ABCC4: variants seen among roughly 807,000 people sequenced by gnomAD.
The protein encoded by ABCC4 is ATP-binding cassette sub-family C member 4.
ABCC4 carries 102 observed loss-of-function variants against 168.5 expected under a neutral mutation model. That is an observed-to-expected ratio of 0.61 (90% CI 0.52 to 0.71). The LOEUF is 0.71. ABCC4 is among the 30% of genes least tolerant of loss of function. The pLI is 0.00. For missense variants in ABCC4, 1,402 were observed against 1,605.8 expected (o/e 0.87, Z 2.17); for synonymous variants, 617 against 590.7 (o/e 1.04, Z -0.65).
intron 11 of ABCC4, among the ~76,000 whole-genome samples, chr13:95,184,737 C>CT (rs1390619936): frequency 6.6e-6 from 1 of 152,218 alleles, no homozygotes; most frequent in Admixed American, 6.5e-5. Flanking sequence ...AAGAAAAGAG[C>CT]TGAAAGACAA....
At chr13:95,258,973 T>C (rs1025760053) in intron 1 of ABCC4, among the ~76,000 whole-genome samples, 13 of 152,076 alleles carry the variant, frequency 8.5e-5, no homozygotes, top group South Asian at 8.3e-4. Flanking sequence ...GGGGGCTACA[T>C]TGGGGCAGGG....
chr13:95,288,439 G>GC (rs2041314267), intron 1 of ABCC4, among the ~76,000 whole-genome samples: 1 of 152,200 alleles, frequency 6.6e-6, no homozygotes, highest in Non-Finnish European at 1.5e-5. Flanking sequence ...TAACAATTTA[G>GC]TAAAAAAGTC....
intron 19 of ABCC4, among the ~76,000 whole-genome samples, chr13:95,150,796 G>A (rs971402450): frequency 1.3e-5 from 2 of 152,196 alleles, no homozygotes; most frequent in African/African-American, 4.8e-5. Flanking sequence ...TTCCTAAGCT[G>A]AGCTGTAGCA....
Position 95,270,670 on chromosome 13 carries a change from G to A in ABCC4, c.75-22917C>T, listed in dbSNP as rs896384288. The stretch of plus-strand genomic sequence containing the variant: ...AGATTCTGATACTAAGTCTGGGACA[G>A]AGCATGAGAACCTGTGTTTCTCCCC... On this transcript the variant is annotated intron_variant, in intron 1 of 30. Coordinates refer to ENST00000645237, the MANE Select transcript of ABCC4 (RefSeq NM_005845.5). Among the ~76,000 whole-genome samples, 9 of 152,322 alleles carry A rather than the reference G, an allele frequency of 5.9e-5. No homozygotes were observed. In the East Asian group the frequency reaches 1.4e-3, roughly 23 times the overall value.
At chr13:95,164,712 G>T (rs567658735) in intron 15 of ABCC4, among the ~76,000 whole-genome samples, 194 bp from the exon 16 acceptor site, 3 of 150,918 alleles carry the variant, frequency 2.0e-5, no homozygotes, top group Non-Finnish European at 2.9e-5. Flanking sequence ...ATTTTTTTTT[G>T]ACTCAGAATT....
chr13:95,117,760 T>C (rs1161350268), intron 19 of ABCC4, among the ~76,000 whole-genome samples: 2 of 150,840 alleles, frequency 1.3e-5, no homozygotes, highest in Non-Finnish European at 3.0e-5. Context: ...TTTTAAAAAG[T>C]TGAAAGCAAT....
Position 95,206,636 on chromosome 13 carries a change from C to T in ABCC4, c.1057G>A (p.Val353Met), listed in dbSNP as rs761006351. 4.2e-5 allele frequency: 68 copies of T among 1,614,004 alleles called. No individual in the cohort carries two copies. Among genetic ancestry groups the T allele is most frequent in the Middle Eastern group, 1.6e-4 (1 of 6,084 alleles). Residue 353 changes from valine to methionine, a missense_variant, in exon 8 of 31, where the codon GTG becomes ATG. Physicochemically the swap from Val to Met is conservative, Grantham distance 21. Transcript: ENST00000645237. ...GSVITASRVF[V>M]AVTLYGAVRL... ...ACAGCCCCATACAGCGTCACTGCCA[C>T]GAACACGCGGCTGGCTGTGATCACA...
intron 19 of ABCC4, among the ~76,000 whole-genome samples, chr13:95,135,365 G>A (rs1368214713): frequency 6.6e-6 from 1 of 151,140 alleles, no homozygotes; most frequent in East Asian, 1.9e-4. Flanking sequence ...AAAGTTTTCA[G>A]TGAACACTCT....
At chr13:95,121,198 C>G (rs758147062) in intron 19 of ABCC4, among the ~76,000 whole-genome samples, 5 of 152,114 alleles carry the variant, frequency 3.3e-5, no homozygotes, top group Non-Finnish European at 7.4e-5. Flanking sequence ...CCTATACTGA[C>G]ACTCAAATTC....
chr13:95,077,197 C>T (rs1282282797), intron 21 of ABCC4, among the ~76,000 whole-genome samples: 2 of 152,214 alleles, frequency 1.3e-5, no homozygotes, highest in South Asian at 2.1e-4. Flanking sequence ...CGTGACCTAG[C>T]ACAATGTCTT....
chr13:95,235,287 G>C (rs572371644), intron 3 of ABCC4, among the ~76,000 whole-genome samples: 1 of 152,136 alleles, frequency 6.6e-6, no homozygotes, highest in East Asian at 1.9e-4. Flanking sequence ...AAGACAAGCC[G>C]ATAGGAGTTT....
chr13:95,247,570 G>C, intron 2 of ABCC4, 73 bp downstream of exon 2: 1 of 1,191,668 alleles, frequency 8.4e-7, no homozygotes, highest in Non-Finnish European at 1.2e-6. Context: ...ACAGGACCCA[G>C]GAAGGCAAAA....
intron 3 of ABCC4, among the ~76,000 whole-genome samples, chr13:95,244,624 A>AGGAAGGAAG (rs1491406633): frequency 2.4e-5 from 1 of 42,418 alleles, no homozygotes; most frequent in South Asian, 6.7e-4. Flanking sequence ...AAAGAAAGAA[A>AGGAAGGAAG]GAAAGAAAGA....
In ABCC4 at chr13:95,247,520, G is replaced by T. The variant is rs141353270; in HGVS notation, c.185+123C>A. ...CTGAGCCTAGGGGCAGCCTGAGGAA[G>T]GTGACACATATTCACCTTAAGGGTA... is the stretch of plus-strand genomic sequence containing the variant. On this transcript the variant is annotated intron_variant, in intron 2 of 30. Coordinates refer to ENST00000645237, the MANE Select transcript of ABCC4 (RefSeq NM_005845.5). 4 of 705,020 alleles carry T rather than the reference G, an allele frequency of 5.7e-6. No homozygotes were observed. The East Asian group carries it at 8.1e-5, about 14-fold the overall frequency. The allele number at this position is 705,020 out of a possible 1,614,324, so 43.7% of individuals were successfully genotyped here.
At chr13:95,151,579 A>G (rs2036683054) in intron 19 of ABCC4, among the ~76,000 whole-genome samples, 1 of 144,474 alleles carries the variant, frequency 6.9e-6, no homozygotes, top group Non-Finnish European at 1.5e-5. Flanking sequence ...AAGAAGGAGG[A>G]GGAGAAGGAG....
chr13:95,158,672 C>G (rs1157308245), intron 19 of ABCC4, among the ~76,000 whole-genome samples: 1 of 152,162 alleles, frequency 6.6e-6, no homozygotes, highest in Admixed American at 6.6e-5. Context: ...ATTCAGGGGG[C>G]ACAACATCAT....
chr13:95,065,430 C>T lies in ABCC4; in HGVS notation c.3211-2571G>A, dbSNP rs61967194. On this transcript the variant is annotated intron_variant, in intron 25 of 30. Coordinates refer to ENST00000645237, the MANE Select transcript of ABCC4 (RefSeq NM_005845.5). ...AACTTGAGTGTGAGTTATCTGTGTT[C>T]CTAAAGATATAATCTCATATATTTA... Among the ~76,000 whole-genome samples, 480 of 152,150 alleles carry T rather than the reference C, an allele frequency of 3.2e-3. 1 individual carries two copies. Among genetic ancestry groups the T allele is most frequent in the Non-Finnish European group, 5.1e-3 (348 of 67,998 alleles).
rs1166126723 is a variant in ABCC4, at chr13:95,156,154, C to CA, written c.2455+5034dup. Among the ~76,000 whole-genome samples, 8 of 152,112 alleles carry CA rather than the reference C, an allele frequency of 5.3e-5. No individual in the cohort carries two copies. In the East Asian group the frequency reaches 7.7e-4, roughly 15 times the overall value. ...GTCAAGAAGGTGTAATTAGGAAATC[C>CA]AAAAAAACCCTGTTTGAAATGCTAG... On this transcript the variant is annotated intron_variant, in intron 19 of 30. Transcript: ENST00000645237.
intron 19 of ABCC4, among the ~76,000 whole-genome samples, chr13:95,158,827 G>T (rs2036968148): frequency 6.6e-6 from 1 of 151,918 alleles, no homozygotes; most frequent in African/African-American, 2.4e-5. Flanking sequence ...CCCAGCACTT[G>T]AGGAGACTGA....
Sources: allele counts gnomAD v4.1 joint callset (sites outside exome capture counted in the v4.1 genomes callset), GRCh38; gene constraint gnomAD v4.1.1; transcripts MANE v1.5; gene names NCBI Gene and HGNC (gene_info 2026-07-23, HGNC 2026-07-21).